Variants in TMEM131 observed in about 807,000 individuals in gnomAD.
The protein encoded by TMEM131 is 2610524E03Rik.
In TMEM131, 66 loss-of-function variants were observed where a neutral mutation model predicts 211.6. The ratio of observed to expected loss-of-function variants is 0.31; its 90% CI spans 0.26 to 0.38. The LOEUF (loss-of-function observed/expected upper bound fraction) is 0.38. Ranked by LOEUF, TMEM131 falls within the 10% of genes least tolerant of loss-of-function variation. The pLI is 1.00. For synonymous variants in TMEM131, 844 were observed against 841.3 expected, an observed-to-expected ratio of 1.00 and a Z score of -0.06; for missense variants, 2,036 against 2,299.3, an observed-to-expected ratio of 0.89 and a Z score of 2.34.
At chr2:97,828,336 T>C (rs1682497948) in intron 11 of TMEM131, among the ~76,000 whole-genome samples, 1 of 151,878 alleles carries the variant, frequency 6.6e-6, no homozygotes, top group East Asian at 1.9e-4. Flanking sequence ...ACCAATGAAA[T>C]CTCAATTATG....
intron 1 of TMEM131, among the ~76,000 whole-genome samples, chr2:97,959,376 G>A (rs1194850717): frequency 6.6e-6 from 1 of 152,132 alleles, no homozygotes; most frequent in East Asian, 1.9e-4. Flanking sequence ...CATGGTCAAG[G>A]CCTGGAAGAG....
In TMEM131 at chr2:97,762,082, A is replaced by C; in HGVS notation, c.4842T>G (p.Phe1614Leu). 6.2e-7 allele frequency: 1 copy of C among 1,604,974 alleles called. No individual in the cohort carries two copies. The highest frequency in any genetic ancestry group is 8.5e-7 in the Non-Finnish European group (1 of 1,176,842). ...SPSPPAAPCP[F>L]VARGSYSSIV... ...TGCTGCTGTAGCTGCCCCGGGCCAC[A>C]AAGGGGCAGGGGGCAGCTGGGGGAG... Residue 1614 changes from phenylalanine (F) to leucine (L), a missense_variant, in exon 36 of 41, where the codon TTT (phenylalanine) becomes TTG (leucine). By Grantham distance (22) the Phe-to-Leu change is conservative. Around this residue, in one of 3 missense-constraint regions of TMEM131, gnomAD observed 1,623 missense variants for 1,805.9 expected, o/e 0.90. Coordinates refer to ENST00000186436, the MANE Select transcript of TMEM131 (RefSeq NM_015348.2).
At chr2:97,897,378 CT>C (rs1675657587) in intron 3 of TMEM131, among the ~76,000 whole-genome samples, 1 of 152,046 alleles carries the variant, frequency 6.6e-6, no homozygotes, top group East Asian at 1.9e-4. Context: ...AGCATTCAAT[CT>C]TTTACCATTA....
chr2:97,980,542 T>C (rs1442338897), intron 1 of TMEM131, among the ~76,000 whole-genome samples: 3 of 152,192 alleles, frequency 2.0e-5, no homozygotes, highest in Non-Finnish European at 4.4e-5. Flanking sequence ...ACAGCTACCA[T>C]AGGATCCAGA....
At chr2:97,937,979 AG>A (rs1235515575) in intron 1 of TMEM131, among the ~76,000 whole-genome samples, 1 of 152,214 alleles carries the variant, frequency 6.6e-6, no homozygotes, top group Non-Finnish European at 1.5e-5. Flanking sequence ...ACAAATACTG[AG>A]AGATTCTGTC....
At chr2:97,949,587 G>T (rs967450382) in intron 1 of TMEM131, among the ~76,000 whole-genome samples, 1 of 152,076 alleles carries the variant, frequency 6.6e-6, no homozygotes, top group Non-Finnish European at 1.5e-5. Flanking sequence ...GGCCGAGGCG[G>T]GTGGATCACA....
chr2:97,761,167 G>A (rs951456653), intron 36 of TMEM131: 3 of 397,014 alleles, frequency 7.6e-6, no homozygotes, highest in African/African-American at 6.0e-5. Context: ...TCACAATTTA[G>A]GGACTGGCAG....
chr2:97,772,816 G>T (rs895216512), intron 32 of TMEM131, among the ~76,000 whole-genome samples: 1 of 152,260 alleles, frequency 6.6e-6, no homozygotes, highest in African/African-American at 2.4e-5. Flanking sequence ...AGAATCGCTT[G>T]AACTGGGGAG....
intron 1 of TMEM131, among the ~76,000 whole-genome samples, chr2:97,968,543 T>TC (rs1364270263): frequency 6.6e-6 from 1 of 151,984 alleles, no homozygotes; most frequent in Non-Finnish European, 1.5e-5. Flanking sequence ...TCTCGGAAAA[T>TC]GAGTTCTCCC....
intron 2 of TMEM131, among the ~76,000 whole-genome samples, chr2:97,924,961 T>A (rs183258580): frequency 4.9e-4 from 75 of 152,238 alleles, no homozygotes; most frequent in African/African-American, 1.8e-3. Flanking sequence ...CTCACTGAAG[T>A]CTCGACCTCC....
At chr2:97,826,545 GA>G (rs1159927097) in intron 11 of TMEM131, among the ~76,000 whole-genome samples, 1 of 151,862 alleles carries the variant, frequency 6.6e-6, no homozygotes, top group Non-Finnish European at 1.5e-5. Flanking sequence ...AAGACCAGCA[GA>G]AAGGAAAGAG....
At chr2:97,801,075 A>T (rs1028692294) in intron 25 of TMEM131, among the ~76,000 whole-genome samples, 5 of 152,206 alleles carry the variant, frequency 3.3e-5, no homozygotes, top group African/African-American at 1.2e-4. Context: ...TAAAACATGG[A>T]GCTATGGGAA....
At chr2:97,932,588 T>A (rs561625482) in intron 1 of TMEM131, among the ~76,000 whole-genome samples, 1 of 152,328 alleles carries the variant, frequency 6.6e-6, no homozygotes, top group Admixed American at 6.5e-5. Context: ...ATTAATTTTA[T>A]AGCTAAAGAC....
intron 18 of TMEM131, 97 bp downstream of exon 18, chr2:97,811,031 A>G: frequency 2.3e-6 from 2 of 878,706 alleles, no homozygotes; most frequent in Non-Finnish European, 3.8e-6. Flanking sequence ...GTAAACTGTA[A>G]CTCTGAGTAA....
At chr2:97,817,863 A>C (rs1681909333) in intron 12 of TMEM131, among the ~76,000 whole-genome samples, 1 of 152,236 alleles carries the variant, frequency 6.6e-6, no homozygotes, top group Non-Finnish European at 1.5e-5. Context: ...TTTATCATAA[A>C]GCCAAAGTTT....
chr2:97,843,522 T>C (rs1187611997), intron 6 of TMEM131, among the ~76,000 whole-genome samples: 1 of 152,144 alleles, frequency 6.6e-6, no homozygotes, highest in Non-Finnish European at 1.5e-5. Context: ...ATGTTTTTTG[T>C]AGAGATGAGG....
At chr2:97,867,838 T>C (rs1046650489) in intron 4 of TMEM131, among the ~76,000 whole-genome samples, 2 of 152,174 alleles carry the variant, frequency 1.3e-5, no homozygotes, top group African/African-American at 4.8e-5. Context: ...AACAAGGAGC[T>C]GGGGCTTGAG....
chr2:97,808,340 C>G (rs993643408), intron 19 of TMEM131, among the ~76,000 whole-genome samples: 1 of 152,138 alleles, frequency 6.6e-6, no homozygotes, highest in Non-Finnish European at 1.5e-5. Flanking sequence ...TTTCTCTTAA[C>G]CCACTACTGT....
intron 4 of TMEM131, among the ~76,000 whole-genome samples, chr2:97,880,749 G>A (rs1267945379): frequency 6.6e-6 from 1 of 152,178 alleles, no homozygotes; most frequent in East Asian, 1.9e-4. Flanking sequence ...CAAAGGCATG[G>A]AAGAGCCCAC....
Sources: allele counts gnomAD v4.1 joint callset (sites outside exome capture counted in the v4.1 genomes callset), GRCh38; gene constraint gnomAD v4.1.1; regional missense constraint gnomAD v4.1.1; transcripts MANE v1.5; gene names NCBI Gene and HGNC (gene_info 2026-07-23, HGNC 2026-07-21).